Variants in ZNF33B observed in about 807,000 individuals in gnomAD.
ZNF33B encodes the protein zinc finger protein 11b (KOX 2).
In ZNF33B, 29 loss-of-function variants were observed where a neutral mutation model predicts 45.8. That is an observed-to-expected ratio of 0.63 (90% CI 0.47 to 0.86). The LOEUF is 0.86. ZNF33B is among the 40% of genes least tolerant of loss of function. The pLI is 0.00. For missense variants in ZNF33B, 831 were observed against 909.9 expected (o/e 0.91, Z 1.12); for synonymous variants, 305 against 307.8 (o/e 0.99, Z 0.10).
intron 4 of ZNF33B, among the ~76,000 whole-genome samples, chr10:42,619,781 T>C (rs1838489767): frequency 6.6e-6 from 1 of 152,160 alleles, no homozygotes; most frequent in South Asian, 2.1e-4. Flanking sequence ...ATTGAAGTTA[T>C]GAGGGAATCA....
chr10:42,630,777 C>G (rs570853821), intron 4 of ZNF33B, among the ~76,000 whole-genome samples: 71 of 152,282 alleles, frequency 4.7e-4, no homozygotes, highest in Middle Eastern at 3.4e-3. Context: ...AGATATAAAT[C>G]AGATGTTGCT....
intron 4 of ZNF33B, among the ~76,000 whole-genome samples, chr10:42,609,463 A>G (rs187884020): frequency 2.4e-3 from 363 of 152,290 alleles, no homozygotes; most frequent in Admixed American, 4.6e-3. Context: ...TACAAAAACA[A>G]AAACAAAACC....
chr10:42,577,551 C>A (rs1836765948), intron 1 of ZNF33B, among the ~76,000 whole-genome samples: 1 of 152,174 alleles, frequency 6.6e-6, no homozygotes. Flanking sequence ...CAGAAAAAGC[C>A]CCAAGGCTTC....
At chr10:42,605,417 G>C (rs1837800691) in intron 4 of ZNF33B, among the ~76,000 whole-genome samples, 1 of 152,074 alleles carries the variant, frequency 6.6e-6, no homozygotes, top group Non-Finnish European at 1.5e-5. Flanking sequence ...AGGCCAGAAG[G>C]AGGCAGGATG....
chr10:42,635,807 T>TA (rs199929160), intron 2 of ZNF33B, among the ~76,000 whole-genome samples: 9,424 of 124,920 alleles, frequency 0.075, 584 homozygotes, highest in African/African-American at 0.18. Context: ...AGACTCTGTA[T>TA]CCAAAAAAAA....
chr10:42,610,919 A>G (rs537888440), intron 4 of ZNF33B, among the ~76,000 whole-genome samples: 12 of 152,386 alleles, frequency 7.9e-5, no homozygotes, highest in African/African-American at 2.9e-4. Context: ...CAAAATTACA[A>G]TAATCAAGAT....
chr10:42,576,168 T>C (rs376147245), intron 1 of ZNF33B, among the ~76,000 whole-genome samples: 69 of 152,056 alleles, frequency 4.5e-4, no homozygotes, highest in African/African-American at 1.5e-3. Context: ...TTTTGTATTT[T>C]AGTAGAGACA....
At chr10:42,638,091 A>T (rs1316497445) in intron 1 of ZNF33B, among the ~76,000 whole-genome samples, 1 of 152,260 alleles carries the variant, frequency 6.6e-6, no homozygotes, top group Non-Finnish European at 1.5e-5. Context: ...AACGGGCAAC[A>T]GAGTCCGTAT....
At chr10:42,634,684 G>A (rs1270058083) in intron 2 of ZNF33B, among the ~76,000 whole-genome samples, 1 of 152,094 alleles carries the variant, frequency 6.6e-6, no homozygotes, top group Non-Finnish European at 1.5e-5. Context: ...TGTAAAACTG[G>A]GGAAAGGATG....
intron 4 of ZNF33B, among the ~76,000 whole-genome samples, chr10:42,609,232 A>G (rs1270734889): frequency 2.0e-5 from 3 of 152,134 alleles, no homozygotes; most frequent in African/African-American, 7.2e-5. Context: ...CCCAGGCAAC[A>G]TGGTGAAACC....
downstream of ZNF33B, among the ~76,000 whole-genome samples, chr10:42,586,150 A>ATTTTTTTTTTTTTT (rs67457246): frequency 1.6e-5 from 2 of 121,546 alleles, no homozygotes; most frequent in African/African-American, 3.2e-5. Context: ...TTTTCCTCAG[A>ATTTTTTTTTTTTTT]TTTTTTTTTT....
intron 4 of ZNF33B, 91 bp downstream of exon 4, chr10:42,631,838 G>T: frequency 1.8e-6 from 2 of 1,108,592 alleles, no homozygotes; most frequent in Non-Finnish European, 2.8e-6. Context: ...AGATGTTCTT[G>T]AAAAATGTTC....
chr10:42,630,453 G>C (rs1456449309), intron 4 of ZNF33B, among the ~76,000 whole-genome samples: 1 of 152,094 alleles, frequency 6.6e-6, no homozygotes, highest in African/African-American at 2.4e-5. Context: ...TAACTTATTG[G>C]ATGTTACTTC....
At chr10:42,638,057 G>A (rs1022271088) in intron 1 of ZNF33B, among the ~76,000 whole-genome samples, 1 of 152,242 alleles carries the variant, frequency 6.6e-6, no homozygotes, top group African/African-American at 2.4e-5. Flanking sequence ...AGGGCAGTTC[G>A]AAACCTAAAG....
chr10:42,617,737 G>A (rs143422387), intron 4 of ZNF33B, among the ~76,000 whole-genome samples: 8 of 152,200 alleles, frequency 5.3e-5, no homozygotes, highest in Non-Finnish European at 1.0e-4. Flanking sequence ...TGGCAACCAC[G>A]AATCTGTTCT....
intron 4 of ZNF33B, among the ~76,000 whole-genome samples, chr10:42,607,272 A>G (rs1837901073): frequency 6.6e-6 from 1 of 151,780 alleles, no homozygotes; most frequent in Admixed American, 6.6e-5. Context: ...TAAATTTTCA[A>G]AGAGACATAG....
intron 4 of ZNF33B, among the ~76,000 whole-genome samples, chr10:42,596,220 T>C (rs1304478935): frequency 6.6e-6 from 1 of 151,930 alleles, no homozygotes; most frequent in African/African-American, 2.4e-5. Flanking sequence ...TGATGGTTCC[T>C]ATTCAAAAGA....
intron 1 of ZNF33B, 25 bp from the exon 2 acceptor site, chr10:42,636,997 G>T: frequency 6.2e-7 from 1 of 1,611,446 alleles, no homozygotes. Context: ...GAGGAATGGG[G>T]TCATGAAAGA....
At chr10:42,595,510 T>G (rs1050699028) in intron 4 of ZNF33B, among the ~76,000 whole-genome samples, 6 of 152,206 alleles carry the variant, frequency 3.9e-5, no homozygotes, top group Admixed American at 3.3e-4. Flanking sequence ...TGTCATGGAC[T>G]AAACTGTGCC....
Sources: gnomAD v4.1 joint callset for allele counts (sites outside exome capture counted in the v4.1 genomes callset) on GRCh38, gnomAD v4.1.1 for gene constraint, MANE v1.5 for transcripts, NCBI Gene and HGNC (gene_info 2026-07-23, HGNC 2026-07-21) for gene names.